KLHDC2: variants seen among roughly 807,000 people sequenced by gnomAD.
The protein encoded by KLHDC2 is kelch domain-containing protein 2.
KLHDC2 carries 38 observed loss-of-function variants against 62.3 expected under a neutral mutation model. That is an observed-to-expected ratio of 0.61 (90% CI 0.47 to 0.80). The LOEUF (loss-of-function observed/expected upper bound fraction) is 0.80. Ranked by LOEUF, KLHDC2 falls within the 30% of genes least tolerant of loss-of-function variation. The probability of loss-of-function intolerance (pLI) is 0.00; values close to 1 mark genes in which losing one functional copy is unlikely to be tolerated. For synonymous variants in KLHDC2, 159 were observed against 161.0 expected (o/e 0.99, Z 0.09); for missense variants, 430 against 495.3 (o/e 0.87, Z 1.25).
chr14:49,774,719 C>A (rs748586037), intron 3 of KLHDC2, 41 bp downstream of exon 3: 6 of 1,191,318 alleles, frequency 5.0e-6, no homozygotes, highest in African/African-American at 1.5e-5. Flanking sequence ...CATTTTTATT[C>A]TTATTATCTT....
chr14:49,778,288 C>A, intron 5 of KLHDC2, 29 bp downstream of exon 5: 2 of 1,442,106 alleles, frequency 1.4e-6, no homozygotes, highest in Non-Finnish European at 1.9e-6. Context: ...TTGCATATGG[C>A]CTCCTTAGTA....
Position 49,783,042 on chromosome 14 carries a change from T to G in KLHDC2, c.*89T>G. The G allele has an allele frequency of 1.5e-6, 2 of 1,370,138 alleles. No homozygotes were observed. The highest frequency in any genetic ancestry group is 2.0e-6 in the Non-Finnish European group (2 of 1,004,532). 84.9% of individuals were successfully genotyped at this position (1,370,138 alleles called of 1,614,324 possible). A position where few individuals can be genotyped will look rare whatever the true frequency, so the allele number is the denominator to read the frequency against. ...GGCATCATTTGTATAATTATATGCA[T>G]TGTTGTAGTTTGCACCTGTTGGTTT... On this transcript the variant is annotated 3_prime_UTR_variant, in exon 13 of 13. Transcript: ENST00000298307.
chr14:49,776,192 A>G (rs143790246), intron 3 of KLHDC2, among the ~76,000 whole-genome samples: 179 of 152,310 alleles, frequency 1.2e-3, no homozygotes, highest in African/African-American at 4.2e-3. Context: ...AGGCACATCT[A>G]TAGGCTATCA....
chr14:49,771,173 A>C (rs1180180817), intron 1 of KLHDC2, among the ~76,000 whole-genome samples: 1 of 151,910 alleles, frequency 6.6e-6, no homozygotes, highest in Admixed American at 6.6e-5. Flanking sequence ...ACATGGTGAA[A>C]CCCTGTCTCT....
At position 49,785,841 on chromosome 14, in the gene KLHDC2, C is replaced by T. The variant is rs1269550284; in HGVS notation, c.*2888C>T. On this transcript the variant is annotated 3_prime_UTR_variant, in exon 13 of 13. Transcript: ENST00000298307. ...GTAGACGTTGTGGAGAGCCATGATC[C>T]TGTCACTGCACTGGGTGACACCAGC... is the stretch of plus-strand genomic sequence containing the variant. The T allele has an allele frequency of 1.3e-5, 2 of 148,606 alleles. No homozygotes were observed. The highest frequency in any genetic ancestry group is 2.1e-4 in the South Asian group (1 of 4,862). The allele number at this position is 148,606 out of a possible 1,614,324, so 9.2% of individuals were successfully genotyped here.
At chr14:49,773,650 C>T (rs995540507) in intron 2 of KLHDC2, among the ~76,000 whole-genome samples, 5 of 149,188 alleles carry the variant, frequency 3.4e-5, no homozygotes, top group African/African-American at 7.4e-5. Flanking sequence ...AATCTCGACT[C>T]GCTGCAAGCT....
Position 49,784,545 on chromosome 14 carries a change from G to T in KLHDC2, c.*1592G>T. The T allele has an allele frequency of 1.2e-6, 1 of 852,202 alleles. No individual in the cohort carries two copies. Among genetic ancestry groups the T allele is most frequent in the Non-Finnish European group, 1.9e-6 (1 of 528,972 alleles). The allele number at this position is 852,202 out of a possible 1,614,324, so 52.8% of individuals were successfully genotyped here. On this transcript the variant is annotated 3_prime_UTR_variant, in exon 13 of 13. Transcript: ENST00000298307. ...GCAATGTTTAGTTCATTTTTATAAT[G>T]CGGAAATCCTGATACATGGTGCTTT...
In KLHDC2 at chr14:49,785,382, A is replaced by C. The variant is rs1890121499; in HGVS notation, c.*2429A>C. The C allele has an allele frequency of 9.1e-7, 1 of 1,097,448 alleles. No homozygotes were observed. The highest frequency in any genetic ancestry group is 1.5e-5 in the African/African-American group (1 of 64,554). 68.0% of individuals were successfully genotyped at this position (1,097,448 alleles called of 1,614,324 possible). On this transcript the variant is annotated 3_prime_UTR_variant, in exon 13 of 13. Transcript: ENST00000298307. Reference sequence around the variant, plus strand: ...TACCGCCCTTTACAAAAAATGCTAAAACACTTGAATTAGTATCTCAACATA... The same window carrying C: ...TACCGCCCTTTACAAAAAATGCTAACACACTTGAATTAGTATCTCAACATA...
intron 3 of KLHDC2, among the ~76,000 whole-genome samples, chr14:49,776,265 G>C (rs1043554762): frequency 6.6e-6 from 1 of 152,150 alleles, no homozygotes; most frequent in East Asian, 1.9e-4. Context: ...TAAAAGCTTG[G>C]GGGAGGAGAC....
rs751195368 is a variant in KLHDC2 at position 49,782,984 on chromosome 14, G to A, written c.*31G>A. 2.5e-6 allele frequency: 4 copies of A among 1,601,488 alleles called. No homozygotes were observed. The East Asian group carries it at 6.7e-5, about 27-fold the overall frequency. On this transcript the variant is annotated 3_prime_UTR_variant, in exon 13 of 13. Transcript: ENST00000298307. ...CATAAATAATGCCTATGATCACCTT[G>A]CATGGACAGCAATCCTGTAAACATC...
intron 3 of KLHDC2, among the ~76,000 whole-genome samples, chr14:49,776,932 AATAT>A (rs34017046): frequency 6.9e-6 from 1 of 145,334 alleles, no homozygotes; most frequent in Non-Finnish European, 1.5e-5. Flanking sequence ...AAAAAAAAGA[AATAT>A]ATATATATAT....
At chr14:49,779,299 T>C (rs1385084169) in intron 6 of KLHDC2, among the ~76,000 whole-genome samples, 2 of 152,248 alleles carry the variant, frequency 1.3e-5, no homozygotes, top group African/African-American at 2.4e-5. Context: ...CAGATAATTA[T>C]ATTTCTTTTC....
rs1256759181 is a variant in KLHDC2 at position 49,768,860 on chromosome 14, AAGCC to A, written c.153+241_153+244del. On this transcript the variant is annotated intron_variant, in intron 1 of 12. Coordinates refer to ENST00000298307, the MANE Select transcript of KLHDC2 (RefSeq NM_014315.3). ...CTGTCATGTCACCCTGGTGCTCACAAAGCCAACTCACTCCCACCCCCGTTGTTGC... is the reference window on the plus strand; with the variant it reads ...CTGTCATGTCACCCTGGTGCTCACAAAACTCACTCCCACCCCCGTTGTTGC... The A allele has an allele frequency of 7.3e-5, 35 of 480,076 alleles. 1 individual carries two copies. The South Asian group carries it at 1.0e-3, about 14-fold the overall frequency. 29.7% of individuals were successfully genotyped at this position (480,076 alleles called of 1,614,324 possible). A position where few individuals can be genotyped will look rare whatever the true frequency, so the allele number is the denominator to read the frequency against.
rs192230654 is a variant in KLHDC2, at chr14:49,777,751, C to T, written c.352-88C>T. The T allele has an allele frequency of 1.3e-3, 946 of 729,338 alleles. 2 individuals are homozygous for T. The highest frequency in any genetic ancestry group is 2.5e-3 in the Middle Eastern group (10 of 3,990). The allele number at this position is 729,338 out of a possible 1,614,324, so 45.2% of individuals were successfully genotyped here. A position where few individuals can be genotyped will look rare whatever the true frequency, so the allele number is the denominator to read the frequency against. On this transcript the variant is annotated intron_variant, in intron 3 of 12. Transcript: ENST00000298307. ...TTCAGTAGCACTGAATTAGATGGCACTCTTATCATAAATCATAGTAAAATT... is the reference window on the plus strand; with the variant it reads ...TTCAGTAGCACTGAATTAGATGGCATTCTTATCATAAATCATAGTAAAATT...
At chr14:49,777,383 C>T (rs1293693919) in intron 3 of KLHDC2, among the ~76,000 whole-genome samples, 1 of 151,880 alleles carries the variant, frequency 6.6e-6, no homozygotes, top group Admixed American at 6.6e-5. Flanking sequence ...CACCTGTTCC[C>T]CCAAAACCTA....
intron 6 of KLHDC2, among the ~76,000 whole-genome samples, chr14:49,779,337 C>T (rs1446878370): frequency 6.6e-6 from 1 of 152,134 alleles, no homozygotes; most frequent in East Asian, 1.9e-4. Context: ...ATATAATATG[C>T]CAGCCTTTAT....
intron 5 of KLHDC2, 53 bp downstream of exon 5, chr14:49,778,312 C>G (rs1431106310): frequency 7.3e-7 from 1 of 1,366,332 alleles, no homozygotes; most frequent in African/African-American, 1.5e-5. Flanking sequence ...TGAAATAATA[C>G]ATTTTATAAG....
Position 49,768,831 on chromosome 14 carries a change from G to A in KLHDC2, c.153+210G>A. On this transcript the variant is annotated intron_variant, in intron 1 of 12. Transcript: ENST00000298307. Reference sequence around the variant, plus strand: ...CCCCAACCCGTCTCGAACCTCCAGGGCTGCTGTCATGTCACCCTGGTGCTC... The same window carrying A: ...CCCCAACCCGTCTCGAACCTCCAGGACTGCTGTCATGTCACCCTGGTGCTC... 5.8e-6 allele frequency: 3 copies of A among 521,138 alleles called. No homozygotes were observed. The South Asian group carries it at 7.7e-5, about 13-fold the overall frequency. 32.3% of individuals were successfully genotyped at this position (521,138 alleles called of 1,614,324 possible).
chr14:49,774,537 T>C, intron 2 of KLHDC2, 24 bp from the exon 3 acceptor site: 1 of 1,400,116 alleles, frequency 7.1e-7, no homozygotes, highest in Non-Finnish European at 1.0e-6. Flanking sequence ...TTAACTTACA[T>C]ACATTTAATT....
Sources: gnomAD v4.1 joint callset for allele counts (sites outside exome capture counted in the v4.1 genomes callset) on GRCh38, gnomAD v4.1.1 for gene constraint, MANE v1.5 for transcripts, NCBI Gene and HGNC (gene_info 2026-07-23, HGNC 2026-07-21) for gene names.